The following LRP1B variants were observed in gnomAD, a reference collection of about 807,000 sequenced individuals.
The protein encoded by LRP1B is low-density lipoprotein receptor-related protein 1B.
Under a neutral mutation model 556.6 loss-of-function variants are expected in LRP1B, and 217 were observed. That is an observed-to-expected ratio of 0.39 (90% CI 0.35 to 0.44). The LOEUF (loss-of-function observed/expected upper bound fraction) is 0.44. LRP1B is among the 20% of genes least tolerant of loss of function. LRP1B has a pLI of 1.00. For synonymous variants in LRP1B, 2,047 were observed against 1,865.8 expected (o/e 1.10, Z -2.50); for missense variants, 5,053 against 5,620.8 (o/e 0.90, Z 3.23).
chr2:141,029,900 C>T (rs1698318544), intron 11 of LRP1B, among the ~76,000 whole-genome samples: 1 of 152,086 alleles, frequency 6.6e-6, no homozygotes, highest in South Asian at 2.1e-4. Context: ...CAATGTTTAG[C>T]AGCACATACC....
At chr2:141,505,590 A>G (rs906949886) in intron 2 of LRP1B, among the ~76,000 whole-genome samples, 5 of 152,098 alleles carry the variant, frequency 3.3e-5, no homozygotes, top group Non-Finnish European at 5.9e-5. Context: ...AAATTATTCA[A>G]CATATACCTG....
At chr2:140,949,493 C>G (rs552931626) in intron 20 of LRP1B, among the ~76,000 whole-genome samples, 2 of 152,256 alleles carry the variant, frequency 1.3e-5, no homozygotes, top group South Asian at 4.2e-4. Flanking sequence ...GAAAGTCAGT[C>G]AGTTGGAAAT....
At chr2:141,699,615 G>A (rs1050170811) in intron 2 of LRP1B, among the ~76,000 whole-genome samples, 23 of 151,108 alleles carry the variant, frequency 1.5e-4, no homozygotes, top group Admixed American at 7.3e-4. Context: ...TCACCTCTCC[G>A]GTGCCAAAAT....
At chr2:141,395,762 T>C (rs903302525) in intron 3 of LRP1B, among the ~76,000 whole-genome samples, 3 of 151,876 alleles carry the variant, frequency 2.0e-5, no homozygotes, top group African/African-American at 7.3e-5. Context: ...GAAACAAAAA[T>C]AAAAAGATAC....
At chr2:141,346,491 G>A (rs1688262930) in intron 3 of LRP1B, among the ~76,000 whole-genome samples, 2 of 152,070 alleles carry the variant, frequency 1.3e-5, no homozygotes, top group Non-Finnish European at 2.9e-5. Flanking sequence ...CGTTCTCCTG[G>A]AACTGAATAG....
intron 55 of LRP1B, among the ~76,000 whole-genome samples, chr2:140,496,384 C>G (rs1056862587): frequency 6.6e-6 from 1 of 152,064 alleles, no homozygotes; most frequent in African/African-American, 2.4e-5. Context: ...ATTTTTAATA[C>G]ATAGTAATCC....
At chr2:141,948,075 A>C (rs1701005916) in intron 1 of LRP1B, among the ~76,000 whole-genome samples, 2 of 152,030 alleles carry the variant, frequency 1.3e-5, no homozygotes, top group South Asian at 4.1e-4. Context: ...CCGTGGGCAG[A>C]TTACTTGAGG....
intron 51 of LRP1B, among the ~76,000 whole-genome samples, chr2:140,513,639 CTCCAATTTCATATTACTAA>C (rs374629904): frequency 0.71 from 108,009 of 151,128 alleles, 39,099 homozygotes; most frequent in Middle Eastern, 0.83. Context: ...TCAAGAATAT[CTCCAATTTCATATTACTAA>C]AGAGAACTTC....
chr2:140,750,823 C>CTT (rs1688549820), intron 35 of LRP1B, among the ~76,000 whole-genome samples: 2 of 151,980 alleles, frequency 1.3e-5, no homozygotes, highest in Non-Finnish European at 2.9e-5. Flanking sequence ...ATGCAAAGAA[C>CTT]TTTAATATCT....
intron 3 of LRP1B, among the ~76,000 whole-genome samples, chr2:141,363,760 C>T (rs1317737777): frequency 6.6e-6 from 1 of 152,012 alleles, no homozygotes; most frequent in Non-Finnish European, 1.5e-5. Context: ...TACTTAAATG[C>T]TGAAAAAATT....
chr2:141,374,772 A>AT (rs1454166906), intron 3 of LRP1B, among the ~76,000 whole-genome samples: 2 of 152,006 alleles, frequency 1.3e-5, no homozygotes, highest in African/African-American at 4.8e-5. Context: ...TCCTGAATTG[A>AT]TTTTCTGATT....
At chr2:142,023,386 T>A (rs1402255685) in intron 1 of LRP1B, among the ~76,000 whole-genome samples, 3 of 152,174 alleles carry the variant, frequency 2.0e-5, no homozygotes, top group Non-Finnish European at 4.4e-5. Context: ...TGGCATGAAT[T>A]TGGAGGGTTC....
intron 1 of LRP1B, among the ~76,000 whole-genome samples, chr2:142,094,318 T>G (rs1706279902): frequency 6.6e-6 from 1 of 152,094 alleles, no homozygotes; most frequent in Non-Finnish European, 1.5e-5. Flanking sequence ...GATTATGACT[T>G]AATGTGTGAA....
intron 2 of LRP1B, among the ~76,000 whole-genome samples, chr2:141,711,200 T>A (rs1692342261): frequency 6.6e-6 from 1 of 152,158 alleles, no homozygotes; most frequent in Admixed American, 6.5e-5. Context: ...GGGTGGTCCC[T>A]GGTACCACCC....
chr2:141,615,446 G>A (rs1329238347), intron 2 of LRP1B, among the ~76,000 whole-genome samples: 1 of 152,088 alleles, frequency 6.6e-6, no homozygotes, highest in Non-Finnish European at 1.5e-5. Flanking sequence ...GACACTCATA[G>A]ATGATCAATA....
Position 140,701,728 on chromosome 2 carries a change from T to C in LRP1B, c.6420A>G (p.Arg2140=). The stretch of plus-strand genomic sequence containing the variant: ...TCTTTCAAGAGTGCTGACCTTTCTC[T>C]CTTACTCGGTTAAATATTTTAACCT... ...LKEVKIFNRV[R]EKGTNVCARD... The change falls in exon 40 of 91, where the codon AGA becomes AGG. Residue 2140 remains arginine, a synonymous_variant. Transcript: ENST00000389484. 6.2e-7 allele frequency: 1 copy of C among 1,612,598 alleles called. No individual in the cohort carries two copies. Among genetic ancestry groups the C allele is most frequent in the East Asian group, 2.2e-5 (1 of 44,856 alleles).
chr2:141,598,639 T>C lies in LRP1B; in HGVS notation c.206-118106A>G, dbSNP rs531990404. 5.9e-5 allele frequency among the ~76,000 whole-genome samples: 9 copies of C among 152,244 alleles called. No individual in the cohort carries two copies. In the East Asian group the frequency reaches 7.7e-4, roughly 13 times the overall value. On this transcript the variant is annotated intron_variant, in intron 2 of 90. Coordinates refer to ENST00000389484, the MANE Select transcript of LRP1B (RefSeq NM_018557.3). ...TTCAAAATAATCTCAACAATTGAGA[T>C]TTTAGCAGAAAATTGCAGAAATAAT... is the stretch of plus-strand genomic sequence containing the variant.
At chr2:140,932,886 T>TACACACAC (rs373649277) in intron 20 of LRP1B, among the ~76,000 whole-genome samples, 65,666 of 127,228 alleles carry the variant, frequency 0.52, 17,533 homozygotes, top group Non-Finnish European at 0.57. Flanking sequence ...TCTCTCCCTA[T>TACACACAC]ACACACACAC....
chr2:140,862,698 G>A (rs190516876), intron 27 of LRP1B, among the ~76,000 whole-genome samples: 31 of 152,226 alleles, frequency 2.0e-4, no homozygotes, highest in Non-Finnish European at 4.3e-4. Context: ...ATCTTTATAT[G>A]TAAATTTGAC....
Sources: gnomAD v4.1 joint callset for allele counts (sites outside exome capture counted in the v4.1 genomes callset) on GRCh38, gnomAD v4.1.1 for gene constraint, MANE v1.5 for transcripts, NCBI Gene and HGNC (gene_info 2026-07-23, HGNC 2026-07-21) for gene names.